Variants in RAD18 observed in about 807,000 individuals in gnomAD.
RAD18 encodes E3 ubiquitin-protein ligase RAD18.
RAD18 carries 47 observed loss-of-function variants against 60.4 expected under a neutral mutation model. That is an observed-to-expected ratio of 0.78 (90% CI 0.62 to 0.99). The LOEUF is 0.99. Among genes scored for constraint, RAD18 ranks in the 50% least tolerant of loss-of-function variants. RAD18 has a pLI of 0.00. For missense variants in RAD18, 640 were observed against 593.3 expected (o/e 1.08, Z -0.82); for synonymous variants, 225 against 195.5 (o/e 1.15, Z -1.26).
At chr3:8,953,778 T>C (rs192253457) in intron 2 of RAD18, among the ~76,000 whole-genome samples, 5 of 151,362 alleles carry the variant, frequency 3.3e-5, no homozygotes, top group African/African-American at 1.2e-4. Context: ...TTGTGGACAC[T>C]GATAAATTAC....
intron 12 of RAD18, 93 bp from the exon 13 acceptor site, chr3:8,881,552 T>C (rs1056759514): frequency 2.1e-6 from 2 of 973,100 alleles, no homozygotes; most frequent in African/African-American, 1.6e-5. Context: ...TATTATTTCA[T>C]TAAAACCTCG....
intron 4 of RAD18, among the ~76,000 whole-genome samples, chr3:8,944,703 C>G (rs1406801022): frequency 6.6e-6 from 1 of 151,996 alleles, no homozygotes; most frequent in African/African-American, 2.4e-5. Context: ...AAAGTCTTGT[C>G]CATCTGTTAA....
rs190347243 is a variant in RAD18, at chr3:8,959,796, C to T, written c.52-795G>A. On this transcript the variant is annotated intron_variant, in intron 1 of 12. Transcript: ENST00000264926. ...AGGAGGAAGCTCTCGACGGGAGGAT[C>T]GCTTGAGTCCAGGAGGCGTAGGTTG... 1.1e-3 allele frequency among the ~76,000 whole-genome samples: 170 copies of T among 151,114 alleles called. 1 individual carries two copies. The highest frequency in any genetic ancestry group is 1.7e-3 in the Non-Finnish European group (116 of 67,880).
intron 11 of RAD18, among the ~76,000 whole-genome samples, chr3:8,896,425 C>CA (rs58427885): frequency 0.12 from 18,165 of 151,688 alleles, 1,225 homozygotes; most frequent in East Asian, 0.24. Flanking sequence ...TGGAGAACAG[C>CA]AAAAAAAAGC....
At chr3:8,960,158 T>A (rs918608998) in intron 1 of RAD18, among the ~76,000 whole-genome samples, 1 of 152,022 alleles carries the variant, frequency 6.6e-6, no homozygotes, top group African/African-American at 2.4e-5. Flanking sequence ...AATTTAAAAA[T>A]TCGTTGGGAG....
At chr3:8,923,749 G>C (rs906563890) in intron 7 of RAD18, among the ~76,000 whole-genome samples, 3 of 152,118 alleles carry the variant, frequency 2.0e-5, no homozygotes, top group African/African-American at 7.2e-5. Context: ...AAGAAAGTGG[G>C]GGCCAATATT....
chr3:8,912,873 G>A (rs1940126971), intron 8 of RAD18, among the ~76,000 whole-genome samples: 1 of 152,128 alleles, frequency 6.6e-6, no homozygotes, highest in Non-Finnish European at 1.5e-5. Context: ...TAAAAGATCA[G>A]AAATCTGCTT....
At chr3:8,945,656 G>C (rs1940827893) in intron 4 of RAD18, among the ~76,000 whole-genome samples, 1 of 151,750 alleles carries the variant, frequency 6.6e-6, no homozygotes, top group South Asian at 2.1e-4. Flanking sequence ...ATTTTTAGTA[G>C]AGACAGGGTT....
intron 12 of RAD18, among the ~76,000 whole-genome samples, chr3:8,888,561 C>T (rs1232815317): frequency 6.6e-6 from 1 of 152,202 alleles, no homozygotes; most frequent in Non-Finnish European, 1.5e-5. Flanking sequence ...AAAAGTAAAG[C>T]TCTGGAGGCT....
intron 4 of RAD18, among the ~76,000 whole-genome samples, chr3:8,944,603 A>T (rs1476847211): frequency 2.9e-5 from 4 of 138,604 alleles, no homozygotes; most frequent in Non-Finnish European, 4.7e-5. Flanking sequence ...GAGGGGAAGG[A>T]GAAAGGAGGA....
chr3:8,890,361 T>C (rs765604511), intron 12 of RAD18, 28 bp downstream of exon 12: 22 of 1,518,104 alleles, frequency 1.4e-5, no homozygotes, highest in African/African-American at 2.8e-5. Flanking sequence ...TCAAAGTGCA[T>C]GCTTATTTCA....
intron 7 of RAD18, among the ~76,000 whole-genome samples, chr3:8,935,064 A>C (rs1051650575): frequency 3.9e-5 from 6 of 152,190 alleles, no homozygotes; most frequent in Admixed American, 3.3e-4. Context: ...TGAAGGAGTG[A>C]ATGGGAGGGG....
intron 11 of RAD18, among the ~76,000 whole-genome samples, chr3:8,896,189 T>G (rs1559759829): frequency 6.6e-6 from 1 of 152,252 alleles, no homozygotes; most frequent in South Asian, 2.1e-4. Context: ...GAACAAATTC[T>G]AAATCTGAAA....
intron 7 of RAD18, among the ~76,000 whole-genome samples, chr3:8,915,163 A>C (rs1013591171): frequency 5.3e-5 from 8 of 151,442 alleles, no homozygotes; most frequent in Non-Finnish European, 1.2e-4. Context: ...AAAAAAAAAA[A>C]AGAAAACTAT....
intron 11 of RAD18, among the ~76,000 whole-genome samples, chr3:8,892,262 C>T (rs686195): frequency 0.6 from 90,684 of 151,996 alleles, 29,745 homozygotes; most frequent in Middle Eastern, 0.73. Flanking sequence ...TGGAAGACCA[C>T]GCTTCAAGAA....
intron 8 of RAD18, 193 bp from the exon 9 acceptor site, chr3:8,912,565 CATT>C (rs1940122557): frequency 2.8e-6 from 1 of 356,498 alleles, no homozygotes. Context: ...ACATTTTACT[CATT>C]ATTTTTTCTC....
chr3:8,912,330 C>T lies in RAD18; in HGVS notation c.1009G>A (p.Glu337Lys). Residue 337 changes from glutamate (E) to lysine (K), a missense_variant, in exon 9 of 13, where the codon GAA (glutamate) becomes AAA (lysine). Physicochemically the swap from Glu to Lys is moderately conservative, Grantham distance 56. Transcript: ENST00000264926. ...TKDQTEKEID[E>K]IHSKYRKKHK... ...AACTTACGATATTTACTGTGGATTTCATCTATTTCCTTTTCTGTTTGGTCC... is the reference window on the plus strand; with the variant it reads ...AACTTACGATATTTACTGTGGATTTTATCTATTTCCTTTTCTGTTTGGTCC... The T allele has an allele frequency of 8.9e-6, 14 of 1,565,196 alleles. No individual in the cohort carries two copies. The highest frequency in any genetic ancestry group is 1.2e-5 in the Non-Finnish European group (14 of 1,157,110).
At chr3:8,933,827 T>C (rs1283356325) in intron 7 of RAD18, among the ~76,000 whole-genome samples, 2 of 152,140 alleles carry the variant, frequency 1.3e-5, no homozygotes, top group Non-Finnish European at 2.9e-5. Context: ...ACAAAAGGCC[T>C]AGAAAAAACA....
At chr3:8,956,901 A>G (rs1941024344) in intron 2 of RAD18, among the ~76,000 whole-genome samples, 1 of 152,218 alleles carries the variant, frequency 6.6e-6, no homozygotes. Flanking sequence ...AATTAAGAGT[A>G]AGGACAGGAT....
Sources: allele counts gnomAD v4.1 joint callset (sites outside exome capture counted in the v4.1 genomes callset), GRCh38; gene constraint gnomAD v4.1.1; transcripts MANE v1.5; gene names NCBI Gene and HGNC (gene_info 2026-07-23, HGNC 2026-07-21).